ADCY4: variants seen among roughly 807,000 people sequenced by gnomAD.
ADCY4 encodes the protein adenylate cyclase 4, also known as adenylate cyclase type 4.
A neutral mutation model predicts 125.5 loss-of-function variants in ADCY4; 111 were observed. The observed-to-expected ratio is 0.88, with a 90% CI of 0.76 to 1.04. The LOEUF (loss-of-function observed/expected upper bound fraction) is 1.04, where lower values mean the gene tolerates loss of function less well. ADCY4 is among the 50% of genes least tolerant of loss of function. The pLI, the probability that ADCY4 is intolerant of heterozygous loss-of-function variation, is 0.00. For missense variants in ADCY4, 1,256 were observed against 1,382.9 expected, an observed-to-expected ratio of 0.91 and a Z score of 1.46; for synonymous variants, 576 against 586.9, an observed-to-expected ratio of 0.98 and a Z score of 0.27.
At chr14:24,328,962 C>T (rs2041995329) in intron 10 of ADCY4, 99 bp downstream of exon 10, 1 of 1,418,056 alleles carries the variant, frequency 7.1e-7, no homozygotes, top group Admixed American at 2.0e-5. Flanking sequence ...CATTAAGTGG[C>T]TCACTGGTGG....
rs774868231 is a variant in ADCY4, at chr14:24,334,677, G to A, written c.-25C>T. On this transcript the variant is annotated 5_prime_UTR_variant, in exon 1 of 25. Coordinates refer to ENST00000418030, the MANE Select transcript of ADCY4 (RefSeq NM_001198568.2). The stretch of plus-strand genomic sequence containing the variant: ...TGATCTCCCCAGCCCCGAGCCCCGG[G>A]GCTGGCTAGGGCCGGGCGCCGGGTT... 12 of 1,490,700 alleles carry A rather than the reference G, an allele frequency of 8.0e-6. No homozygotes were observed. In the East Asian group the frequency reaches 2.3e-4, roughly 29 times the overall value. The allele number at this position is 1,490,700 out of a possible 1,614,324, so 92.3% of individuals were successfully genotyped here.
intron 10 of ADCY4, chr14:24,326,571 T>TG (rs2041948392): frequency 1.1e-5 from 3 of 278,188 alleles, no homozygotes; most frequent in Non-Finnish European, 1.4e-5. Context: ...CCCAGGATCT[T>TG]TGTGTGTGTG....
At position 24,322,535 on chromosome 14, in the gene ADCY4, C is replaced by A; in HGVS notation, c.2427+89G>T. On this transcript the variant is annotated intron_variant, in intron 19 of 24. Transcript: ENST00000418030. ...GGCTCGCTTAGAAGCTTCCAATGGG[C>A]ATTCAACCCTGGAGATTAGAAAGAT... is the stretch of plus-strand genomic sequence containing the variant. 5 of 1,380,806 alleles carry A rather than the reference C, an allele frequency of 3.6e-6. No individual in the cohort carries two copies. The Admixed American group carries it at 7.8e-5, about 22-fold the overall frequency. 85.5% of individuals were successfully genotyped at this position (1,380,806 alleles called of 1,614,324 possible).
intron 16 of ADCY4, chr14:24,323,715 G>T (rs2041893621): frequency 3.2e-6 from 3 of 942,934 alleles, no homozygotes; most frequent in Non-Finnish European, 3.8e-6. Flanking sequence ...CTGGGCCTTA[G>T]TTTCTTCTTC....
intron 3 of ADCY4, 189 bp downstream of exon 3, chr14:24,332,333 G>A: frequency 1.6e-6 from 1 of 629,820 alleles, no homozygotes; most frequent in South Asian, 2.5e-5. Context: ...CGTGTGGCCT[G>A]GATCCCTCTT....
intron 10 of ADCY4, among the ~76,000 whole-genome samples, chr14:24,327,593 A>AGTGTCCTTC (rs1401336442): frequency 1.3e-5 from 2 of 152,230 alleles, no homozygotes; most frequent in Non-Finnish European, 2.9e-5. Context: ...CACTGCTGCC[A>AGTGTCCTTC]GTGTCCTTCC....
At position 24,323,928 on chromosome 14, in the gene ADCY4, T is replaced by C. The variant is rs552657659; in HGVS notation, c.2046+134A>G. On this transcript the variant is annotated intron_variant, in intron 16 of 24. Coordinates refer to ENST00000418030, the MANE Select transcript of ADCY4 (RefSeq NM_001198568.2). ...ATTGCTGGAGACTGTAATTTTTTTC[T>C]TTCTATTTGTACAACATTTCCAGCA... 3.1e-5 allele frequency: 41 copies of C among 1,311,522 alleles called. No homozygotes were observed. The South Asian group carries it at 5.8e-4, about 19-fold the overall frequency. The allele number at this position is 1,311,522 out of a possible 1,614,324, so 81.2% of individuals were successfully genotyped here.
chr14:24,329,746 ACTTAT>A lies in ADCY4; in HGVS notation c.1217+109_1217+113del, dbSNP rs1469407727. ...TAGGATCTCCCAAGCCCCATATGGG[ACTTAT>A]CTTAAGGTACTCATCTTGTGCTTAT... On this transcript the variant is annotated intron_variant, in intron 8 of 24. Coordinates refer to ENST00000418030, the MANE Select transcript of ADCY4 (RefSeq NM_001198568.2). The A allele has an allele frequency of 2.9e-5, 43 of 1,478,958 alleles. No homozygotes were observed. The Middle Eastern group carries it at 9.9e-4, about 34-fold the overall frequency. The allele number at this position is 1,478,958 out of a possible 1,614,324, so 91.6% of individuals were successfully genotyped here. A position where few individuals can be genotyped will look rare whatever the true frequency, so the allele number is the denominator to read the frequency against.
chr14:24,318,761 C>G lies in ADCY4; in HGVS notation c.2974G>C (p.Val992Leu). 2 of 1,614,048 alleles carry G rather than the reference C, an allele frequency of 1.2e-6. No homozygotes were observed. Among genetic ancestry groups the G allele is most frequent in the Non-Finnish European group, 1.7e-6 (2 of 1,180,016 alleles). The change falls in exon 24 of 25, where the codon GTA becomes CTA. Residue 992 changes from valine (V) to leucine (L), a missense_variant. Coordinates refer to ENST00000418030, the MANE Select transcript of ADCY4 (RefSeq NM_001198568.2). ...TGGGCCCCAATAACTCCAGCTACTA[C>G]GGGTCCATGGTTCAACCCTAATGAG... ...RLRVGLNHGP[V>L]VAGVIGAQKP... is the part of the protein sequence containing the mutation.
intron 10 of ADCY4, chr14:24,328,772 T>A: frequency 2.6e-6 from 1 of 391,284 alleles, no homozygotes; most frequent in Admixed American, 4.2e-5. Context: ...TCTCTCGTCG[T>A]CGCACACAGG....
chr14:24,333,122 G>T, intron 1 of ADCY4, 134 bp from the exon 2 acceptor site: 1 of 815,024 alleles, frequency 1.2e-6, no homozygotes, highest in Non-Finnish European at 1.8e-6. Context: ...AGGAGGCAAG[G>T]CACCTCCGCT....
rs779845169 is a variant in ADCY4 at position 24,322,739 on chromosome 14, T to C, written c.2343-31A>G. ...GGGGCCATGGATCAGGGTGACCCCTTGCTTTCCCCCTTCCTGGCCTTCTCC... is the reference window on the plus strand; with the variant it reads ...GGGGCCATGGATCAGGGTGACCCCTCGCTTTCCCCCTTCCTGGCCTTCTCC... On this transcript the variant is annotated intron_variant, in intron 18 of 24. Transcript: ENST00000418030. 8.7e-6 allele frequency: 14 copies of C among 1,608,326 alleles called. No homozygotes were observed. The African/African-American group carries it at 1.2e-4, about 14-fold the overall frequency.
In ADCY4 at chr14:24,329,207, C is replaced by T. The variant is rs763642858; in HGVS notation, c.1378G>A (p.Ala460Thr). The change falls in exon 10 of 25, where the codon GCA becomes ACA. Residue 460 changes from alanine to threonine, a missense_variant. Coordinates refer to ENST00000418030, the MANE Select transcript of ADCY4 (RefSeq NM_001198568.2). ...TCAAGCGAGGACAGCAAGCCTCCTG[C>T]AGTGCCCTTCTCATCCTCCTCCTCT... ...RAEEEDEKGT[A>T]GGLLSSLEGL... is the part of the protein sequence containing the mutation. 2 of 1,613,818 alleles carry T rather than the reference C, an allele frequency of 1.2e-6. No homozygotes were observed. Among genetic ancestry groups the T allele is most frequent in the Admixed American group, 1.7e-5 (1 of 59,990 alleles).
In ADCY4 at chr14:24,319,793, CTCATGAT is replaced by C; in HGVS notation, c.2675_2681del (p.Asn892ArgfsTer3). ...TGAGCAGCCTCAGACACTCTAGGCC[CTCATGAT>C]TGATGTTGGATTCAGAGTAGAACTC... On this transcript the variant is annotated frameshift_variant, in exon 21 of 25. Coordinates refer to ENST00000418030, the MANE Select transcript of ADCY4 (RefSeq NM_001198568.2). LOFTEE classifies it high-confidence loss of function. This position sits in a 1 kb window ranked among gnomAD's most constrained non-coding sequence, Gnocchi z 4.5. The C allele has an allele frequency of 6.2e-7, 1 of 1,614,114 alleles. No individual in the cohort carries two copies. The highest frequency in any genetic ancestry group is 8.5e-7 in the Non-Finnish European group (1 of 1,180,036).
rs775313722 is a variant in ADCY4, at chr14:24,332,909, G to A, written c.239C>T (p.Ser80Phe). Residue 80 changes from serine to phenylalanine, a missense_variant, in exon 2 of 25, where the codon TCC becomes TTC. Transcript: ENST00000418030. ...GGFSLLLGLA[S>F]REQRLQRWTR... ...CCAGCGCTGCAGTCGCTGCTCCCGG[G>A]AAGCGAGGCCCAGCAGCAGCGAGAA... is the stretch of plus-strand genomic sequence containing the variant. The A allele has an allele frequency of 1.2e-5, 19 of 1,605,158 alleles. No homozygotes were observed. In the South Asian group the frequency reaches 1.9e-4, roughly 16 times the overall value.
rs948235475 is a variant in ADCY4, at chr14:24,319,037, G to A, written c.2956+61C>T. 2.4e-5 allele frequency: 38 copies of A among 1,581,540 alleles called. No individual in the cohort carries two copies. The highest frequency in any genetic ancestry group is 1.7e-4 in the Admixed American group (10 of 59,598). ...GGGAGCAGCTAACAAAGGACTTGGA[G>A]TGGGGCAAGCTCAGGAAGGTGAGGA... On this transcript the variant is annotated intron_variant, in intron 23 of 24. Transcript: ENST00000418030. The surrounding 1 kb of genome is among the most constrained non-coding windows in gnomAD (Gnocchi z 4.5).
intron 20 of ADCY4, among the ~76,000 whole-genome samples, chr14:24,321,381 A>T (rs934424343): frequency 2.0e-5 from 3 of 151,842 alleles, no homozygotes; most frequent in Non-Finnish European, 4.4e-5. Context: ...AGACCGTGCC[A>T]TTACATGCAC....
chr14:24,324,622 G>C (rs905573306), intron 14 of ADCY4, among the ~76,000 whole-genome samples: 3 of 152,200 alleles, frequency 2.0e-5, no homozygotes, highest in African/African-American at 7.2e-5. Flanking sequence ...GGTGGGGAGT[G>C]GGGGCTCACA....
chr14:24,331,062 G>T lies in ADCY4; in HGVS notation c.886C>A (p.Leu296Ile), dbSNP rs377053940. The T allele has an allele frequency of 1.0e-3, 1,612 of 1,613,022 alleles. 29 individuals carry two copies. In the South Asian group the frequency reaches 0.017, roughly 17 times the overall value. The change falls in exon 6 of 25, where the codon CTC becomes ATC. Residue 296 changes from leucine (L) to isoleucine (I), a missense_variant. Leu to Ile is a conservative substitution (Grantham distance 5). Coordinates refer to ENST00000418030, the MANE Select transcript of ADCY4 (RefSeq NM_001198568.2). Reference protein sequence around the residue: ...ASECSPKELVLMLNELFGKFD... With the variant: ...ASECSPKELVIMLNELFGKFD... ...TTGCCAAAGAGCTCATTGAGCATGA[G>T]CACCAGCTCCTTAGGGGAACACTCG...
Sources: gnomAD v4.1 joint callset for allele counts (sites outside exome capture counted in the v4.1 genomes callset) on GRCh38, gnomAD v4.1.1 for gene constraint, Gnocchi (gnomAD v3.1) non-coding constraint, MANE v1.5 for transcripts, NCBI Gene and HGNC (gene_info 2026-07-23, HGNC 2026-07-21) for gene names.